The following HDAC9 variants were observed in gnomAD, a reference collection of about 807,000 sequenced individuals.
HDAC9 encodes the protein histone deacetylase 9.
A neutral mutation model predicts 139.4 loss-of-function variants in HDAC9; 41 were observed. That is an observed-to-expected ratio of 0.29 (90% CI 0.23 to 0.38). HDAC9 has a LOEUF of 0.38. HDAC9 is among the 10% of genes least tolerant of loss of function. The probability of loss-of-function intolerance (pLI) is 1.00; values close to 1 mark genes in which losing one functional copy is unlikely to be tolerated. For synonymous variants in HDAC9, 517 were observed against 476.2 expected (o/e 1.09, Z -1.12); for missense variants, 1,147 against 1,297.0 (o/e 0.88, Z 1.78).
chr7:18,446,933 GA>G lies in HDAC9; in HGVS notation c.-41-49322del, dbSNP rs1227207153. Among the ~76,000 whole-genome samples the G allele has an allele frequency of 2.6e-5, 4 of 152,010 alleles. 1 individual carries two copies. Among genetic ancestry groups the G allele is most frequent in the African/African-American group, 9.6e-5 (4 of 41,488 alleles). ...TTTCTCTAAAATTTTTCACTACTATGAAAAAAAGATTCAACGTATATCTAAG... is the reference window on the plus strand; with the variant it reads ...TTTCTCTAAAATTTTTCACTACTATGAAAAAAGATTCAACGTATATCTAAG... On this transcript the variant is annotated intron_variant, in intron 1 of 3. Coordinates refer to the HDAC9 transcript ENST00000413509.
intron 6 of HDAC9, among the ~76,000 whole-genome samples, chr7:18,623,009 T>A (rs573434945): frequency 2.6e-4 from 39 of 151,900 alleles, no homozygotes; most frequent in Non-Finnish European, 4.9e-4. Context: ...CTGGGTTTGG[T>A]GGCATGTGCC....
At chr7:18,400,156 T>C (rs925934320) in intron 1 of HDAC9, among the ~76,000 whole-genome samples, 2 of 152,164 alleles carry the variant, frequency 1.3e-5, no homozygotes, top group African/African-American at 4.8e-5. Context: ...CCATGCTACT[T>C]TGGAGTCATG....
intron 2 of HDAC9, among the ~76,000 whole-genome samples, chr7:18,223,291 C>T (rs1034518353): frequency 4.6e-5 from 7 of 151,866 alleles, no homozygotes; most frequent in African/African-American, 1.7e-4. Context: ...ATATTTGTTG[C>T]ACAAAATACC....
At chr7:18,163,911 T>A (rs977153150) in intron 2 of HDAC9, among the ~76,000 whole-genome samples, 5 of 152,338 alleles carry the variant, frequency 3.3e-5, no homozygotes, top group Admixed American at 1.3e-4. Flanking sequence ...CCCAAGAATG[T>A]TGATTTTATA....
At chr7:18,823,649 C>G (rs930456213) in intron 17 of HDAC9, among the ~76,000 whole-genome samples, 2 of 152,066 alleles carry the variant, frequency 1.3e-5, no homozygotes, top group African/African-American at 4.8e-5. Context: ...CACATGCGGT[C>G]TTAAGGTCCC....
At chr7:18,164,119 T>C (rs1787840848) in intron 2 of HDAC9, among the ~76,000 whole-genome samples, 1 of 152,214 alleles carries the variant, frequency 6.6e-6, no homozygotes, top group Non-Finnish European at 1.5e-5. Context: ...ACAATAACAT[T>C]ATGCAGAAGT....
Position 18,804,855 on chromosome 7 carries a change from C to T in HDAC9, c.2322+11403C>T, listed in dbSNP as rs142153701. 7.8e-3 allele frequency among the ~76,000 whole-genome samples: 1,180 copies of T among 152,224 alleles called. 10 individuals are homozygous for T. The highest frequency in any genetic ancestry group is 0.023 in the South Asian group (111 of 4,826). The stretch of plus-strand genomic sequence containing the variant: ...TGTCACCCAGGCTGGTGTGCAGGGG[C>T]GTAATCTCTGCTCACTGCAACCTCT... On this transcript the variant is annotated intron_variant, in intron 17 of 25. Coordinates refer to ENST00000686413, the MANE Select transcript of HDAC9 (RefSeq NM_178425.4).
chr7:18,220,051 A>T (rs755433963), intron 2 of HDAC9, among the ~76,000 whole-genome samples: 3 of 152,218 alleles, frequency 2.0e-5, no homozygotes, highest in Non-Finnish European at 2.9e-5. Context: ...CCTGGCACAC[A>T]CAAGTGCATG....
At chr7:18,955,886 C>T (rs913636285) in intron 24 of HDAC9, among the ~76,000 whole-genome samples, 9 of 151,982 alleles carry the variant, frequency 5.9e-5, no homozygotes, top group African/African-American at 9.7e-5. Flanking sequence ...TTGAAAGGAA[C>T]GACAGAAGTG....
At chr7:18,896,075 C>T (rs1017381179) in intron 22 of HDAC9, among the ~76,000 whole-genome samples, 1 of 151,990 alleles carries the variant, frequency 6.6e-6, no homozygotes, top group African/African-American at 2.4e-5. Context: ...GATACTTTTC[C>T]TAATGTACAT....
At chr7:18,601,703 C>A (rs1224461992) in intron 6 of HDAC9, among the ~76,000 whole-genome samples, 1 of 152,132 alleles carries the variant, frequency 6.6e-6, no homozygotes, top group South Asian at 2.1e-4. Flanking sequence ...TTTGTCAAGT[C>A]TCTTTTCTGT....
intron 1 of HDAC9, among the ~76,000 whole-genome samples, chr7:18,489,121 G>T (rs1489926506): frequency 6.6e-6 from 1 of 151,984 alleles, no homozygotes; most frequent in Non-Finnish European, 1.5e-5. Flanking sequence ...TCTGAAGAAG[G>T]AATCATTTAT....
chr7:18,863,385 C>G (rs1798255045), intron 21 of HDAC9, among the ~76,000 whole-genome samples: 1 of 152,216 alleles, frequency 6.6e-6, no homozygotes, highest in Admixed American at 6.5e-5. Flanking sequence ...CCCAGGATGG[C>G]TTTGAACGTG....
chr7:18,562,964 T>C (rs1164047399), intron 2 of HDAC9, among the ~76,000 whole-genome samples: 1 of 152,170 alleles, frequency 6.6e-6, no homozygotes. Context: ...TTTGCACTTT[T>C]GTTAAATTTA....
intron 1 of HDAC9, among the ~76,000 whole-genome samples, chr7:18,336,197 A>G (rs1781570913): frequency 6.6e-6 from 1 of 151,590 alleles, no homozygotes; most frequent in Non-Finnish European, 1.5e-5. Context: ...AGCACATAGC[A>G]TATCTTGTAT....
At chr7:18,217,481 T>C (rs1792401961) in intron 2 of HDAC9, among the ~76,000 whole-genome samples, 1 of 152,224 alleles carries the variant, frequency 6.6e-6, no homozygotes. Flanking sequence ...ATTGAATATT[T>C]AGCTTTCTTA....
chr7:18,514,176 T>C (rs1232214664), intron 2 of HDAC9, among the ~76,000 whole-genome samples: 2 of 152,224 alleles, frequency 1.3e-5, no homozygotes, highest in Non-Finnish European at 2.9e-5. Context: ...GCATATACAA[T>C]GTATGTATTA....
At chr7:18,404,425 T>G (rs1191124196) in intron 1 of HDAC9, among the ~76,000 whole-genome samples, 1 of 152,168 alleles carries the variant, frequency 6.6e-6, no homozygotes, top group African/African-American at 2.4e-5. Context: ...GAGAATAGGT[T>G]GTATATTGGA....
chr7:18,104,959 C>T (rs1783105210), intron 1 of HDAC9, among the ~76,000 whole-genome samples: 3 of 151,918 alleles, frequency 2.0e-5, no homozygotes, highest in South Asian at 4.2e-4. Flanking sequence ...CTTAATCAGA[C>T]AATCATGTTG....
Sources: allele counts gnomAD v4.1 joint callset (sites outside exome capture counted in the v4.1 genomes callset), GRCh38; gene constraint gnomAD v4.1.1; transcripts MANE v1.5; gene names NCBI Gene and HGNC (gene_info 2026-07-23, HGNC 2026-07-21).